Variants in PCDHGB6 observed in about 807,000 individuals in gnomAD.
The protein encoded by PCDHGB6 is protocadherin gamma subfamily B, 6.
PCDHGB6 carries 51 observed loss-of-function variants against 59.1 expected under a neutral mutation model. That is an observed-to-expected ratio of 0.86 (90% confidence interval 0.69 to 1.09). The LOEUF is 1.09. PCDHGB6 is among the 50% of genes least tolerant of loss of function. The pLI, the probability that PCDHGB6 is intolerant of heterozygous loss-of-function variation, is 0.00. For missense variants in PCDHGB6, 1,148 were observed against 1,205.1 expected (o/e 0.95, Z 0.70); for synonymous variants, 466 against 495.1 (o/e 0.94, Z 0.78).
At chr5:141,428,102 G>T (rs774075619) in intron 1 of PCDHGB6, 38 of 1,608,516 alleles carry the variant, frequency 2.4e-5, no homozygotes, top group Non-Finnish European at 3.2e-5. Flanking sequence ...CCTACCACGT[G>T]CTGCAGGCCA....
At chr5:141,423,250 G>T in intron 1 of PCDHGB6, 1 of 1,613,954 alleles carries the variant, frequency 6.2e-7, no homozygotes, top group Non-Finnish European at 8.5e-7. Context: ...AGTCCTGGCG[G>T]ACCTCGGCAG....
rs551220443 is a variant in PCDHGB6, at chr5:141,432,206, G to A, written c.2418+21586G>A. On this transcript the variant is annotated intron_variant, in intron 1 of 3. Transcript: ENST00000520790. The surrounding 1 kb of genome is among the most constrained non-coding windows in gnomAD (Gnocchi z 6.0). ...GACCGCCCACGACCCCGACTGTGAA[G>A]AGAACGCCCAGATCACTTATTCCCT... The A allele has an allele frequency of 6.2e-7, 1 of 1,614,096 alleles. No individual in the cohort carries two copies. Among genetic ancestry groups the A allele is most frequent in the Non-Finnish European group, 8.5e-7 (1 of 1,180,042 alleles).
Position 141,486,998 on chromosome 5 carries a change from C to G in PCDHGB6, c.2419-7809C>G, listed in dbSNP as rs754609128. On this transcript the variant is annotated intron_variant, in intron 1 of 3. Coordinates refer to ENST00000520790, the MANE Select transcript of PCDHGB6 (RefSeq NM_018926.3). The surrounding 1 kb of genome is among the most constrained non-coding windows in gnomAD (Gnocchi z 5.0). ...AGGTTACAATGCTTGGGTTTCCTAT[C>G]AGCTCCTGGAGGCCCCAGATCCCAG... The G allele has an allele frequency of 6.2e-7, 1 of 1,614,206 alleles. No homozygotes were observed. Among genetic ancestry groups the G allele is most frequent in the Non-Finnish European group, 8.5e-7 (1 of 1,180,034 alleles).
chr5:141,433,305 C>A, intron 1 of PCDHGB6: 1 of 931,030 alleles, frequency 1.1e-6, no homozygotes, highest in Non-Finnish European at 1.6e-6. Context: ...GCAATTATCC[C>A]ACCTTTGCCT....
At chr5:141,472,022 T>A (rs949257396) in intron 1 of PCDHGB6, among the ~76,000 whole-genome samples, 6 of 152,176 alleles carry the variant, frequency 3.9e-5, no homozygotes, top group African/African-American at 1.4e-4. Context: ...CTATATTGTA[T>A]GTAGAAAGCT....
rs749817501 is a variant in PCDHGB6 at position 141,423,756 on chromosome 5, G to GT, written c.2418+13136_2418+13137insT. ...GCCTGTTATGAAAACTGTTTGGGGGGGGGGTGGGGCGGCATATATTTAGTT... is the reference window on the plus strand; with the variant it reads ...GCCTGTTATGAAAACTGTTTGGGGGGTGGGGTGGGGCGGCATATATTTAGTT... On this transcript the variant is annotated intron_variant, in intron 1 of 3. Transcript: ENST00000520790. 9 of 448,538 alleles carry GT rather than the reference G, an allele frequency of 2.0e-5. 1 individual carries two copies. Among genetic ancestry groups the GT allele is most frequent in the African/African-American group, 2.8e-5 (1 of 35,670 alleles). 27.8% of individuals were successfully genotyped at this position (448,538 alleles called of 1,614,324 possible).
rs553126235 is a variant in PCDHGB6 at position 141,473,346 on chromosome 5, G to A, written c.2419-21461G>A. Reference sequence around the variant, plus strand: ...AAGTGCCTGCTGTGCTAGACAGTGAGGATGCAAGTGGCCACCAAAATAGCA... The same window carrying A: ...AAGTGCCTGCTGTGCTAGACAGTGAAGATGCAAGTGGCCACCAAAATAGCA... On this transcript the variant is annotated intron_variant, in intron 1 of 3. Transcript: ENST00000520790. Among the ~76,000 whole-genome samples, 9 of 152,310 alleles carry A rather than the reference G, an allele frequency of 5.9e-5. No individual in the cohort carries two copies. The East Asian group carries it at 1.5e-3, about 26-fold the overall frequency.
chr5:141,444,238 C>T (rs1011385887), intron 1 of PCDHGB6, among the ~76,000 whole-genome samples: 6 of 125,052 alleles, frequency 4.8e-5, no homozygotes, highest in Non-Finnish European at 9.4e-5. Context: ...ATGGCATGCT[C>T]TCGGCTCACT....
rs775153988 is a variant in PCDHGB6 at position 141,485,268 on chromosome 5, G to A, written c.2419-9539G>A. On this transcript the variant is annotated intron_variant, in intron 1 of 3. Coordinates refer to ENST00000520790, the MANE Select transcript of PCDHGB6 (RefSeq NM_018926.3). This position sits in a 1 kb window ranked among gnomAD's most constrained non-coding sequence, Gnocchi z 5.7. ...CTGGGTTACGTTTGTGGGCAGATCC[G>A]CTACCCGGTCCCAGAGGAGTCACAG... 6.2e-7 allele frequency: 1 copy of A among 1,614,100 alleles called. No homozygotes were observed. Among genetic ancestry groups the A allele is most frequent in the Non-Finnish European group, 8.5e-7 (1 of 1,179,936 alleles).
chr5:141,430,090 G>T (rs2097260736), intron 1 of PCDHGB6, among the ~76,000 whole-genome samples: 1 of 152,096 alleles, frequency 6.6e-6, no homozygotes, highest in Non-Finnish European at 1.5e-5. Context: ...ATGAAAATTT[G>T]ATTTTTAAGC....
At chr5:141,444,804 A>G (rs140326088) in intron 1 of PCDHGB6, among the ~76,000 whole-genome samples, 1 of 152,250 alleles carries the variant, frequency 6.6e-6, no homozygotes, top group Non-Finnish European at 1.5e-5. Flanking sequence ...TCTTTTACTA[A>G]TAGCACACTG....
chr5:141,472,290 C>T (rs2099275934), intron 1 of PCDHGB6, among the ~76,000 whole-genome samples: 2 of 152,096 alleles, frequency 1.3e-5, no homozygotes, highest in Admixed American at 6.6e-5. Flanking sequence ...ACCTGTAATC[C>T]CAGCACTTTG....
chr5:141,508,737 C>A (rs919094477), intron 3 of PCDHGB6, among the ~76,000 whole-genome samples: 8 of 152,010 alleles, frequency 5.3e-5, no homozygotes, highest in Non-Finnish European at 1.2e-4. Flanking sequence ...CTACACCCCC[C>A]ACCCCGCTCT....
At chr5:141,467,285 T>G (rs6870144) in intron 1 of PCDHGB6, among the ~76,000 whole-genome samples, 42,564 of 152,010 alleles carry the variant, frequency 0.28, 6,785 homozygotes, top group African/African-American at 0.45. Context: ...ACTCTTGACC[T>G]CAAGTGATCC....
At chr5:141,474,159 G>A (rs2154571930) in intron 1 of PCDHGB6, among the ~76,000 whole-genome samples, 1 of 152,226 alleles carries the variant, frequency 6.6e-6, no homozygotes, top group South Asian at 2.1e-4. Context: ...GAAAATGACA[G>A]GCCTTATTAT....
rs2095245468 is a variant in PCDHGB6 at position 141,409,238 on chromosome 5, G to A, written c.1036G>A (p.Glu346Lys). ...EILDENDNSP[E>K]IIITSLSDQI... ...CCTTGATGAAAACGACAACAGCCCA[G>A]AAATAATCATCACTTCTCTCTCTGA... is the stretch of plus-strand genomic sequence containing the variant. Residue 346 changes from glutamate to lysine, a missense_variant, in exon 1 of 4, where the codon GAA becomes AAA. Glu to Lys is a moderately conservative substitution (Grantham distance 56, BLOSUM62 1). Transcript: ENST00000520790. 6.2e-7 allele frequency: 1 copy of A among 1,614,002 alleles called. No homozygotes were observed. Among genetic ancestry groups the A allele is most frequent in the Non-Finnish European group, 8.5e-7 (1 of 1,179,900 alleles).
chr5:141,408,050 G>A lies in PCDHGB6; in HGVS notation c.-153G>A. 2 of 1,259,544 alleles carry A rather than the reference G, an allele frequency of 1.6e-6. No homozygotes were observed. Among genetic ancestry groups the A allele is most frequent in the Middle Eastern group, 2.8e-4 (1 of 3,568 alleles). The allele number at this position is 1,259,544 out of a possible 1,614,324, so 78.0% of individuals were successfully genotyped here. The stretch of plus-strand genomic sequence containing the variant: ...AGAAGAAAACCAGCTCCCACACAGA[G>A]CCTCCCGGCTGCGCAGACCTTTCCC... On this transcript the variant is annotated 5_prime_UTR_variant, in exon 1 of 4. Transcript: ENST00000520790.
At chr5:141,504,517 T>C (rs1057166865) in intron 2 of PCDHGB6, among the ~76,000 whole-genome samples, 5 of 151,918 alleles carry the variant, frequency 3.3e-5, no homozygotes, top group African/African-American at 1.2e-4. Context: ...TCTCCTCTGA[T>C]ATATTTTATT....
intron 1 of PCDHGB6, among the ~76,000 whole-genome samples, chr5:141,483,525 A>G (rs1442825090): frequency 1.3e-5 from 2 of 152,126 alleles, no homozygotes; most frequent in African/African-American, 4.8e-5. Context: ...ATCCTGACTA[A>G]GGAAGCTGGG....
Sources: gnomAD v4.1 joint callset for allele counts (sites outside exome capture counted in the v4.1 genomes callset) on GRCh38, gnomAD v4.1.1 for gene constraint, Gnocchi (gnomAD v3.1) non-coding constraint, MANE v1.5 for transcripts, NCBI Gene and HGNC (gene_info 2026-07-23, HGNC 2026-07-21) for gene names.